CNTROB: variants seen among roughly 807,000 people sequenced by gnomAD.
The protein encoded by CNTROB is centrobin, centriole duplication and spindle assembly protein, also known as centrobin.
CNTROB carries 82 observed loss-of-function variants against 115.7 expected under a neutral mutation model. The observed-to-expected ratio is 0.71, with a 90% CI of 0.59 to 0.85. CNTROB has a LOEUF of 0.85. CNTROB is among the 40% of genes least tolerant of loss of function. The pLI is 0.00. For missense variants in CNTROB, 1,014 were observed against 1,144.4 expected, an observed-to-expected ratio of 0.89 and a Z score of 1.64; for synonymous variants, 439 against 456.4, an observed-to-expected ratio of 0.96 and a Z score of 0.49.
rs201894732 is a variant in CNTROB, at chr17:7,937,215, C to T, written c.880C>T (p.Arg294Cys). Residue 294 changes from arginine (R) to cysteine (C), a missense_variant, in exon 7 of 19, where the codon CGT (arginine) becomes TGT (cysteine). Physicochemically the swap from Arg to Cys is radical, Grantham distance 180. Transcript: ENST00000563694. ...TTCTGAGGCCATGGAGGCCCTGAAT[C>T]GTGAGCAGGAAAGTGCCAGACTGCA... The part of the protein sequence containing the change: ...SLSEAMEALN[R>C]EQESARLQQR... 91 of 1,614,146 alleles carry T rather than the reference C, an allele frequency of 5.6e-5. 1 individual carries two copies. The highest frequency in any genetic ancestry group is 4.2e-4 in the East Asian group (19 of 44,878).
At position 7,944,408 on chromosome 17, in the gene CNTROB, G is replaced by A; in HGVS notation, c.1572-68G>A. On this transcript the variant is annotated intron_variant, in intron 11 of 18. Coordinates refer to ENST00000563694, the MANE Select transcript of CNTROB (RefSeq NM_053051.5). The surrounding 1 kb of genome is among the most constrained non-coding windows in gnomAD (Gnocchi z 4.0). The stretch of plus-strand genomic sequence containing the variant: ...TCAGATGTCCAACATTTCCCTTCTG[G>A]CTCTTTTTAGCTCCCAAGTATCTGC... 6.3e-7 allele frequency: 1 copy of A among 1,589,700 alleles called. No individual in the cohort carries two copies. Among genetic ancestry groups the A allele is most frequent in the Non-Finnish European group, 8.6e-7 (1 of 1,162,728 alleles).
intron 7 of CNTROB, 102 bp downstream of exon 7, chr17:7,937,364 C>T (rs2151745117): frequency 1.5e-6 from 2 of 1,347,868 alleles, no homozygotes. Flanking sequence ...TTGAGTTGCA[C>T]CAGAGCACTG....
intron 3 of CNTROB, 55 bp from the exon 4 acceptor site, chr17:7,934,934 C>G: frequency 6.6e-7 from 1 of 1,518,482 alleles, no homozygotes; most frequent in Non-Finnish European, 8.8e-7. Flanking sequence ...CACAGTTGGA[C>G]AAGTGGATTC....
chr17:7,935,094 A>G lies in CNTROB; in HGVS notation c.543A>G (p.Pro181=). ...GGCCAGGGCCTCCACTCAATCCCCCAGATTTTCAGGGGCTGAGAGATGCAT... is the reference window on the plus strand; with the variant it reads ...GGCCAGGGCCTCCACTCAATCCCCCGGATTTTCAGGGGCTGAGAGATGCAT... ...SLRPGPPLNP[P]DFQGLRDALD... Residue 181 remains proline (P), a synonymous_variant, in exon 4 of 19, where the codon CCA becomes CCG. Coordinates refer to ENST00000563694, the MANE Select transcript of CNTROB (RefSeq NM_053051.5). 6.2e-7 allele frequency: 1 copy of G among 1,614,136 alleles called. No individual in the cohort carries two copies. Among genetic ancestry groups the G allele is most frequent in the Non-Finnish European group, 8.5e-7 (1 of 1,180,026 alleles).
chr17:7,949,849 G>A lies in CNTROB; in HGVS notation c.*339G>A, dbSNP rs1043878955. ...TGGGTGATTCTTAGTTTTTTAATAC[G>A]TTTCTGTATTTTCCAAATTTTCTAA... On this transcript the variant is annotated 3_prime_UTR_variant, in exon 19 of 19. Transcript: ENST00000563694. 2 of 204,926 alleles carry A rather than the reference G, an allele frequency of 9.8e-6. No individual in the cohort carries two copies. Among genetic ancestry groups the A allele is most frequent in the African/African-American group, 2.3e-5 (1 of 43,582 alleles). The allele number at this position is 204,926 out of a possible 1,614,324, so 12.7% of individuals were successfully genotyped here. A position where few individuals can be genotyped will look rare whatever the true frequency, so the allele number is the denominator to read the frequency against.
intron 17 of CNTROB, 22 bp from the exon 18 acceptor site, chr17:7,949,063 A>C: frequency 6.2e-7 from 1 of 1,613,724 alleles, no homozygotes. Context: ...CCCCATCCTC[A>C]TACCTTTGAT....
chr17:7,946,079 T>A, intron 13 of CNTROB, 93 bp downstream of exon 13: 2 of 1,188,654 alleles, frequency 1.7e-6, no homozygotes, highest in Non-Finnish European at 2.4e-6. Context: ...CTTGAGCATT[T>A]AGTTTCCCAG....
intron 7 of CNTROB, among the ~76,000 whole-genome samples, chr17:7,938,067 A>C (rs1490293863): frequency 6.8e-6 from 1 of 147,162 alleles, no homozygotes. Context: ...CAGTGGCACA[A>C]TCTCAGCTCA....
At position 7,933,936 on chromosome 17, in the gene CNTROB, T is replaced by C. The variant is rs529274225; in HGVS notation, c.271-202T>C. On this transcript the variant is annotated intron_variant, in intron 1 of 18. Transcript: ENST00000563694. ...GCAAGAATCTCCGCAACTCTTGTCT[T>C]ATACCTCCTCGATTATTTTATTTAC... is the stretch of plus-strand genomic sequence containing the variant. Among the ~76,000 whole-genome samples the C allele has an allele frequency of 3.9e-5, 6 of 152,352 alleles. No homozygotes were observed. In the South Asian group the frequency reaches 1.0e-3, roughly 26 times the overall value.
In CNTROB at chr17:7,948,982, T is replaced by C; in HGVS notation, c.2514-103T>C. On this transcript the variant is annotated intron_variant, in intron 17 of 18. Coordinates refer to ENST00000563694, the MANE Select transcript of CNTROB (RefSeq NM_053051.5). This position sits in a 1 kb window ranked among gnomAD's most constrained non-coding sequence, Gnocchi z 4.4. The stretch of plus-strand genomic sequence containing the variant: ...TGATGCCCAGGTCTATCGAGTTTGA[T>C]CTTATTCTTAAGAGATAGAATTGGG... 6.2e-7 allele frequency: 1 copy of C among 1,601,838 alleles called. No individual in the cohort carries two copies. Among genetic ancestry groups the C allele is most frequent in the Non-Finnish European group, 8.5e-7 (1 of 1,172,546 alleles).
intron 13 of CNTROB, among the ~76,000 whole-genome samples, 199 bp from the exon 14 acceptor site, chr17:7,947,372 A>G (rs1200548318): frequency 6.6e-6 from 1 of 152,168 alleles, no homozygotes; most frequent in East Asian, 1.9e-4. Flanking sequence ...CTTAGAATTC[A>G]GCTGTGCCAT....
intron 12 of CNTROB, 196 bp from the exon 13 acceptor site, chr17:7,945,532 T>C (rs546770039): frequency 9.5e-5 from 55 of 577,972 alleles, no homozygotes; most frequent in African/African-American, 8.8e-4. Flanking sequence ...TTAAATTTTT[T>C]GTAGAGATGG....
rs1974993138 is a variant in CNTROB at position 7,949,611 on chromosome 17, T to C, written c.*101T>C. ...CTCTGGCTCATAGGAATTTGGAAAA[T>C]AGAGGTTTTGTAGGGAATCACTTCG... On this transcript the variant is annotated 3_prime_UTR_variant, in exon 19 of 19. Transcript: ENST00000563694. The C allele has an allele frequency of 2.3e-6, 3 of 1,298,622 alleles. No individual in the cohort carries two copies. Among genetic ancestry groups the C allele is most frequent in the African/African-American group, 3.0e-5 (2 of 66,528 alleles). 80.4% of individuals were successfully genotyped at this position (1,298,622 alleles called of 1,614,324 possible). A position where few individuals can be genotyped will look rare whatever the true frequency, so the allele number is the denominator to read the frequency against.
chr17:7,933,745 T>C (rs990719761), intron 1 of CNTROB, among the ~76,000 whole-genome samples: 1 of 152,192 alleles, frequency 6.6e-6, no homozygotes, highest in Non-Finnish European at 1.5e-5. Context: ...CTTTGGCATG[T>C]ACATCATTAA....
rs370271101 is a variant in CNTROB at position 7,936,767 on chromosome 17, C to G, written c.778C>G (p.Leu260Val). The G allele has an allele frequency of 6.4e-6, 10 of 1,568,146 alleles. No homozygotes were observed. In the African/African-American group the frequency reaches 1.4e-4, roughly 21 times the overall value. Reference protein sequence around the residue: ...EAERTEVLRGLQEEHQAAELT... With the variant: ...EAERTEVLRGVQEEHQAAELT... ...TGAGCGGACAGAGGTTCTCAGGGGACTTCAAGAGGAACACCAGGCAGCAGA... is the reference window on the plus strand; with the variant it reads ...TGAGCGGACAGAGGTTCTCAGGGGAGTTCAAGAGGAACACCAGGCAGCAGA... Residue 260 changes from leucine to valine, a missense_variant, in exon 6 of 19, where the codon CTT (leucine) becomes GTT (valine). Coordinates refer to ENST00000563694, the MANE Select transcript of CNTROB (RefSeq NM_053051.5).
Position 7,945,961 on chromosome 17 carries a change from C to G in CNTROB, c.1968C>G (p.Pro656=). ...QSQHSFQPLE[P]KPDLTSSTAG... is the part of the protein sequence containing the mutation. Reference sequence around the variant, plus strand: ...AGCATTCTTTCCAGCCCCTGGAGCCCAAACCAGACCTCACTTCATCCACAG... The same window carrying G: ...AGCATTCTTTCCAGCCCCTGGAGCCGAAACCAGACCTCACTTCATCCACAG... The change falls in exon 13 of 19, where the codon CCC becomes CCG. Residue 656 remains proline (P), a synonymous_variant. Coordinates refer to ENST00000563694, the MANE Select transcript of CNTROB (RefSeq NM_053051.5). The G allele has an allele frequency of 6.2e-7, 1 of 1,614,154 alleles. No individual in the cohort carries two copies. The highest frequency in any genetic ancestry group is 2.2e-5 in the East Asian group (1 of 44,888).
rs1974251582 is a variant in CNTROB, at chr17:7,944,258, C to T, written c.1571+10C>T. 6.2e-7 allele frequency: 1 copy of T among 1,613,388 alleles called. No homozygotes were observed. The highest frequency in any genetic ancestry group is 8.5e-7 in the Non-Finnish European group (1 of 1,179,294). On this transcript the variant is annotated intron_variant, in intron 11 of 18. Transcript: ENST00000563694. The surrounding 1 kb of genome is among the most constrained non-coding windows in gnomAD (Gnocchi z 4.0). ...AGGACTACGAGCTCAGGTCCTGGTCCCCAGAGTGCCCCTTTCAGGCCCCAG... is the reference window on the plus strand; with the variant it reads ...AGGACTACGAGCTCAGGTCCTGGTCTCCAGAGTGCCCCTTTCAGGCCCCAG...
At chr17:7,938,218 T>G (rs952779208) in intron 7 of CNTROB, among the ~76,000 whole-genome samples, 2 of 152,160 alleles carry the variant, frequency 1.3e-5, no homozygotes, top group Non-Finnish European at 2.9e-5. Flanking sequence ...TTGGCCAGGC[T>G]GGTCTCAAAC....
rs544066116 is a variant in CNTROB at position 7,949,514 on chromosome 17, C to T, written c.*4C>T. 3 of 1,601,992 alleles carry T rather than the reference C, an allele frequency of 1.9e-6. No individual in the cohort carries two copies. Among genetic ancestry groups the T allele is most frequent in the South Asian group, 1.1e-5 (1 of 89,788 alleles). On this transcript the variant is annotated 3_prime_UTR_variant, in exon 19 of 19. Transcript: ENST00000563694. ...CCGGGGGGGAGTCTGGAGATGAGCC[C>T]CCCTACCCTCTCTCCTCTTTGTTCT...
Sources: allele counts gnomAD v4.1 joint callset (sites outside exome capture counted in the v4.1 genomes callset), GRCh38; gene constraint gnomAD v4.1.1; non-coding constraint Gnocchi (gnomAD v3.1); transcripts MANE v1.5; gene names NCBI Gene and HGNC (gene_info 2026-07-23, HGNC 2026-07-21).